The following ZDHHC11 variants were observed in gnomAD, a reference collection of about 807,000 sequenced individuals.
The protein encoded by ZDHHC11 is zDHHC palmitoyltransferase 11, also known as palmitoyltransferase ZDHHC11.
ZDHHC11 carries 44 observed loss-of-function variants against 51.3 expected under a neutral mutation model. The observed-to-expected ratio is 0.86, with a 90% confidence interval of 0.67 to 1.10. ZDHHC11 has a LOEUF of 1.10. Ranked by LOEUF, ZDHHC11 falls within the 50% of genes least tolerant of loss-of-function variation. The pLI is 0.00. For synonymous variants in ZDHHC11, 163 were observed against 222.0 expected (o/e 0.73, Z 2.36); for missense variants, 400 against 537.7 (o/e 0.74, Z 2.53).
intron 8 of ZDHHC11, chr5:824,172 C>T (rs1741959516): frequency 2.3e-6 from 1 of 437,548 alleles, no homozygotes. Flanking sequence ...AAAGGACCAG[C>T]CTGCGGCCTG....
At chr5:800,137 C>A (rs1199824836) in intron 12 of ZDHHC11, among the ~76,000 whole-genome samples, 1 of 151,294 alleles carries the variant, frequency 6.6e-6, no homozygotes, top group Non-Finnish European at 1.5e-5. Flanking sequence ...GAGACCTTGA[C>A]CTTCCTCAGG....
At chr5:799,199 A>T (rs1468874980) in intron 12 of ZDHHC11, among the ~76,000 whole-genome samples, 3 of 151,316 alleles carry the variant, frequency 2.0e-5, no homozygotes. Context: ...ATGCTCAAGT[A>T]CTTCTTGCTC....
At chr5:860,220 G>A (rs990424291), upstream of ZDHHC11, among the ~76,000 whole-genome samples, 2 of 152,226 alleles carry the variant, frequency 1.3e-5, no homozygotes, top group Admixed American at 6.5e-5. The surrounding 1 kb of genome is among the most constrained non-coding windows in gnomAD (Gnocchi z 4.2). Context: ...AGGACTCGGG[G>A]GCCCCTGCGG....
chr5:807,962 C>G (rs2150302068), intron 11 of ZDHHC11, among the ~76,000 whole-genome samples: 1 of 151,212 alleles, frequency 6.6e-6, no homozygotes, highest in African/African-American at 2.5e-5. Flanking sequence ...TGGACTGAGC[C>G]TGCAGCTAAG....
intron 10 of ZDHHC11, among the ~76,000 whole-genome samples, 164 bp from the exon 11 acceptor site, chr5:814,959 T>G (rs1740584937): frequency 6.6e-6 from 1 of 151,552 alleles, no homozygotes. Context: ...GCACCCTTCC[T>G]CCCAATCCTT....
chr5:825,416 C>A (rs576060112), intron 7 of ZDHHC11, among the ~76,000 whole-genome samples, 165 bp from the exon 8 acceptor site: 1 of 152,042 alleles, frequency 6.6e-6, no homozygotes, highest in African/African-American at 2.4e-5. Flanking sequence ...AGTACTCCTG[C>A]GTTATGTGCA....
chr5:854,167 C>T (rs1451526289), upstream of ZDHHC11, among the ~76,000 whole-genome samples: 6 of 136,092 alleles, frequency 4.4e-5, no homozygotes, highest in African/African-American at 5.6e-5. Flanking sequence ...GCACAGACCA[C>T]ACAGAGGACA....
At chr5:850,215 G>T in intron 1 of ZDHHC11, 166 bp downstream of exon 1, 1 of 750,668 alleles carries the variant, frequency 1.3e-6, no homozygotes, top group East Asian at 2.7e-5. Context: ...GCTGCACAGA[G>T]CATGAGTGGC....
intron 4 of ZDHHC11, chr5:840,997 C>A (rs1744779840): frequency 7.9e-7 from 1 of 1,260,616 alleles, no homozygotes; most frequent in Non-Finnish European, 1.0e-6. Flanking sequence ...TTCCTAAGTG[C>A]CGGGGTCACA....
intron 7 of ZDHHC11, among the ~76,000 whole-genome samples, chr5:831,459 T>G (rs139633129): frequency 0.026 from 3,840 of 148,954 alleles, 350 homozygotes; most frequent in African/African-American, 0.086. Flanking sequence ...GGTGGGTGAC[T>G]GTAATCCCAG....
chr5:850,613 C>T lies in ZDHHC11; in HGVS notation c.-11G>A. 1 of 1,612,530 alleles carries T rather than the reference C, an allele frequency of 6.2e-7. No homozygotes were observed. The highest frequency in any genetic ancestry group is 8.5e-7 in the Non-Finnish European group (1 of 1,179,562). On this transcript the variant is annotated 5_prime_UTR_variant, in exon 1 of 13. In the 5' UTR this introduces an upstream ATG that the reference lacks. Coordinates refer to ENST00000283441, the MANE Select transcript of ZDHHC11 (RefSeq NM_024786.3). The stretch of plus-strand genomic sequence containing the variant: ...GGAGCGGGTGTCCATCTGCAGGACA[C>T]AGAAGGGGAGGACCTGCGCCGTCAG...
At chr5:854,964 CA>C (rs1747941385), upstream of ZDHHC11, among the ~76,000 whole-genome samples, 2 of 132,040 alleles carry the variant, frequency 1.5e-5, no homozygotes, top group Admixed American at 7.5e-5. Context: ...AGCCGGGGGG[CA>C]CAGACCCCAC....
chr5:846,153 G>A (rs1746121577), intron 3 of ZDHHC11, among the ~76,000 whole-genome samples: 1 of 150,658 alleles, frequency 6.6e-6, no homozygotes, highest in African/African-American at 2.5e-5. Context: ...GCAGCCTCTG[G>A]ACTCGCTGTG....
At chr5:841,054 CCCTTCCT>C (rs1744805104) in intron 4 of ZDHHC11, 1 of 1,011,432 alleles carries the variant, frequency 9.9e-7, no homozygotes, top group Non-Finnish European at 1.2e-6. Flanking sequence ...CAGTGCCCAC[CCCTTCCT>C]CACTAAGTGC....
chr5:845,872 A>G (rs1407427342), intron 3 of ZDHHC11, among the ~76,000 whole-genome samples: 3 of 149,314 alleles, frequency 2.0e-5, no homozygotes, highest in Non-Finnish European at 2.9e-5. Flanking sequence ...CGGTGTCTAC[A>G]CTTGGCACCC....
At chr5:815,355 C>G (rs1343227188) in intron 10 of ZDHHC11, among the ~76,000 whole-genome samples, 1 of 147,202 alleles carries the variant, frequency 6.8e-6, no homozygotes. Flanking sequence ...CAAAGAAAAA[C>G]ACCTGCTATG....
Position 825,182 on chromosome 5 carries a change from A to G in ZDHHC11, c.1005T>C (p.Asp335=), listed in dbSNP as rs1808545. The part of the protein sequence containing the change: ...LCHFCTSVNQ[D]GDSTAREGDE... The stretch of plus-strand genomic sequence containing the variant: ...AACTTACCCGTGCCGTCGAATCCCC[A>G]TCCTGGTTTACTGAAGTGCAGAAGT... Residue 335 remains aspartate (D), a synonymous_variant, in exon 8 of 13, where the codon GAT becomes GAC. Coordinates refer to ENST00000283441, the MANE Select transcript of ZDHHC11 (RefSeq NM_024786.3). 88,142 of 1,513,418 alleles carry G rather than the reference A, an allele frequency of 0.058. 1,160 individuals carry two copies. The highest frequency in any genetic ancestry group is 0.092 in the African/African-American group (5,443 of 58,876). 93.7% of individuals were successfully genotyped at this position (1,513,418 alleles called of 1,614,324 possible).
rs1254960120 is a variant in ZDHHC11 at position 800,125 on chromosome 5, G to A, written c.*7+975C>T. Among the ~76,000 whole-genome samples the A allele has an allele frequency of 2.6e-5, 4 of 151,286 alleles. 1 individual carries two copies. The highest frequency in any genetic ancestry group is 5.9e-5 in the Non-Finnish European group (4 of 67,668). On this transcript the variant is annotated intron_variant, in intron 12 of 12. Transcript: ENST00000283441. ...GGGTGCTGGTCAGGGCTGTGCTGCT[G>A]GGAGACCTTGACCTTCCTCAGGGCT...
intron 3 of ZDHHC11, among the ~76,000 whole-genome samples, chr5:844,100 G>A (rs1292471721): frequency 1.3e-4 from 19 of 151,910 alleles, no homozygotes; most frequent in East Asian, 1.9e-4. Flanking sequence ...CAGTGTGGGC[G>A]TCCACTTGAG....
Sources: allele counts gnomAD v4.1 joint callset (sites outside exome capture counted in the v4.1 genomes callset), GRCh38; gene constraint gnomAD v4.1.1; non-coding constraint Gnocchi (gnomAD v3.1); transcripts MANE v1.5; gene names NCBI Gene and HGNC (gene_info 2026-07-23, HGNC 2026-07-21).